SACM1L: variants seen among roughly 807,000 people sequenced by gnomAD.
SACM1L encodes the protein SAC1 like phosphatidylinositide phosphatase.
A neutral mutation model predicts 89.5 loss-of-function variants in SACM1L; 32 were observed. The observed-to-expected ratio is 0.36, with a 90% CI of 0.27 to 0.48. SACM1L has a LOEUF of 0.48. SACM1L is among the 20% of genes least tolerant of loss of function. SACM1L has a pLI of 0.99. For synonymous variants in SACM1L, 213 were observed against 232.8 expected, an observed-to-expected ratio of 0.92 and a Z score of 0.77; for missense variants, 543 against 708.5, an observed-to-expected ratio of 0.77 and a Z score of 2.65.
chr3:45,718,897 A>G (rs1312127009), intron 7 of SACM1L, among the ~76,000 whole-genome samples: 2 of 152,156 alleles, frequency 1.3e-5, no homozygotes, highest in Non-Finnish European at 2.9e-5. Flanking sequence ...ATAACTTTAT[A>G]TAAAGAAAGG....
chr3:45,731,119 A>C (rs1699044063), intron 11 of SACM1L, among the ~76,000 whole-genome samples, 182 bp from the exon 12 acceptor site: 1 of 152,218 alleles, frequency 6.6e-6, no homozygotes, highest in South Asian at 2.1e-4. Flanking sequence ...TGGGTGGGTT[A>C]CTATAAAACC....
At chr3:45,720,393 G>A (rs1698762363) in intron 8 of SACM1L, among the ~76,000 whole-genome samples, 2 of 152,012 alleles carry the variant, frequency 1.3e-5, no homozygotes, top group East Asian at 3.8e-4. Flanking sequence ...TTTTTTTAAT[G>A]CAATAAAAAA....
chr3:45,698,526 A>G (rs1397709869), intron 1 of SACM1L, among the ~76,000 whole-genome samples: 1 of 152,128 alleles, frequency 6.6e-6, no homozygotes, highest in Non-Finnish European at 1.5e-5. Context: ...TTGATCCATA[A>G]TTACTCTTAT....
In SACM1L at chr3:45,723,545, T is replaced by C; in HGVS notation, c.921+2T>C. 1 of 1,360,400 alleles carries C rather than the reference T, an allele frequency of 7.4e-7. No individual in the cohort carries two copies. The highest frequency in any genetic ancestry group is 1.0e-6 in the Non-Finnish European group (1 of 1,002,434). 84.3% of individuals were successfully genotyped at this position (1,360,400 alleles called of 1,614,324 possible). ...GGAAAACAAGTTATAATCAATCTGGTATGTTTCTTATGTTTCTTGGGGGGA... is the reference window on the plus strand; with the variant it reads ...GGAAAACAAGTTATAATCAATCTGGCATGTTTCTTATGTTTCTTGGGGGGA... On this transcript the variant is annotated splice_donor_variant, in intron 11 of 19. Coordinates refer to ENST00000389061, the MANE Select transcript of SACM1L (RefSeq NM_014016.5). LOFTEE classifies it high-confidence loss of function.
At chr3:45,729,409 A>T (rs1227031564) in intron 11 of SACM1L, among the ~76,000 whole-genome samples, 1 of 152,154 alleles carries the variant, frequency 6.6e-6, no homozygotes, top group Non-Finnish European at 1.5e-5. Context: ...ATATCTCTGT[A>T]TAGCTGCAAG....
chr3:45,729,375 A>T (rs1271142958), intron 11 of SACM1L, among the ~76,000 whole-genome samples: 10 of 152,122 alleles, frequency 6.6e-5, no homozygotes, highest in Admixed American at 5.2e-4. Context: ...GTGAGCTACT[A>T]TGCCCAGCCT....
chr3:45,692,375 G>A (rs1242046736), intron 1 of SACM1L, among the ~76,000 whole-genome samples: 1 of 151,854 alleles, frequency 6.6e-6, no homozygotes, highest in Non-Finnish European at 1.5e-5. Flanking sequence ...CCAGGCTGGA[G>A]TGCAGTGGTG....
chr3:45,713,305 A>G (rs1176932748), intron 6 of SACM1L, 109 bp downstream of exon 6: 2 of 846,542 alleles, frequency 2.4e-6, no homozygotes, highest in East Asian at 2.6e-5. Context: ...AACAATTCTA[A>G]TTTAACTGTT....
chr3:45,717,944 A>T lies in SACM1L; in HGVS notation c.578-1556A>T, dbSNP rs181481184. On this transcript the variant is annotated intron_variant, in intron 7 of 19. Coordinates refer to ENST00000389061, the MANE Select transcript of SACM1L (RefSeq NM_014016.5). ...AATAAATACATAAATAATTTTTTTT[A>T]AAAAAGCAGACAACATCAAATGTTG... 2.4e-4 allele frequency among the ~76,000 whole-genome samples: 36 copies of T among 152,332 alleles called. No homozygotes were observed. The East Asian group carries it at 5.4e-3, about 23-fold the overall frequency.
chr3:45,719,433 T>G (rs1698738348), intron 7 of SACM1L, 67 bp from the exon 8 acceptor site: 1 of 883,416 alleles, frequency 1.1e-6, no homozygotes, highest in African/African-American at 1.7e-5. Flanking sequence ...GATAGATAGA[T>G]GCAAACAATC....
intron 1 of SACM1L, among the ~76,000 whole-genome samples, chr3:45,700,604 T>A (rs1052100845): frequency 2.6e-5 from 4 of 152,190 alleles, no homozygotes; most frequent in African/African-American, 7.2e-5. Flanking sequence ...GCTGAGCATA[T>A]CATGTGTATT....
intron 11 of SACM1L, among the ~76,000 whole-genome samples, chr3:45,727,255 G>C (rs1698943174): frequency 6.6e-6 from 1 of 152,130 alleles, no homozygotes. Context: ...AAGTTCTCTT[G>C]CTGGGATTTT....
At chr3:45,706,660 T>C (rs1698402903) in intron 3 of SACM1L, 120 bp from the exon 4 acceptor site, 3 of 702,854 alleles carry the variant, frequency 4.3e-6, no homozygotes, top group Non-Finnish European at 6.5e-6. Context: ...GGGCCTTTTA[T>C]CTGAGTGGCA....
intron 1 of SACM1L, among the ~76,000 whole-genome samples, chr3:45,693,314 C>T (rs1698043156): frequency 6.6e-6 from 1 of 152,238 alleles, no homozygotes; most frequent in South Asian, 2.1e-4. Context: ...TAGTCCTCCT[C>T]AGTACCTAAC....
Position 45,722,873 on chromosome 3 carries a change from G to T in SACM1L, c.770G>T (p.Arg257Leu). The T allele has an allele frequency of 6.2e-7, 1 of 1,610,362 alleles. No homozygotes were observed. The highest frequency in any genetic ancestry group is 8.5e-7 in the Non-Finnish European group (1 of 1,177,228). ...NGSKASFVQT[R>L]GSIPVFWSQR... ...CATTTCTCTCTTTTCTTTTAGACTC[G>T]AGGATCAATACCTGTTTTCTGGTCC... Residue 257 changes from arginine (R) to leucine (L), a missense_variant, in exon 10 of 20, where the codon CGA (arginine) becomes CTA (leucine). Coordinates refer to ENST00000389061, the MANE Select transcript of SACM1L (RefSeq NM_014016.5).
At position 45,722,883 on chromosome 3, in the gene SACM1L, A is replaced by T; in HGVS notation, c.780A>T (p.Ile260=). The change falls in exon 10 of 20, where the codon ATA becomes ATT. Residue 260 remains isoleucine, a synonymous_variant. Transcript: ENST00000389061. The part of the protein sequence containing the change: ...KASFVQTRGS[I]PVFWSQRPNL... ...TTTTCTTTTAGACTCGAGGATCAAT[A>T]CCTGTTTTCTGGTCCCAAAGACCAA... 1.2e-6 allele frequency: 2 copies of T among 1,612,780 alleles called. No individual in the cohort carries two copies. The highest frequency in any genetic ancestry group is 1.7e-6 in the Non-Finnish European group (2 of 1,178,990).
intron 4 of SACM1L, among the ~76,000 whole-genome samples, chr3:45,708,335 G>A (rs1698446177): frequency 6.6e-6 from 1 of 152,104 alleles, no homozygotes; most frequent in African/African-American, 2.4e-5. Flanking sequence ...AGTCAACATT[G>A]TTTAGAGATA....
intron 8 of SACM1L, among the ~76,000 whole-genome samples, chr3:45,719,926 T>C (rs1310809986): frequency 1.3e-5 from 2 of 152,212 alleles, no homozygotes; most frequent in African/African-American, 4.8e-5. Context: ...CTTGTATTGC[T>C]TTTAGGTTTT....
intron 1 of SACM1L, among the ~76,000 whole-genome samples, chr3:45,690,958 C>G (rs1257099771): frequency 6.6e-6 from 1 of 152,200 alleles, no homozygotes; most frequent in Admixed American, 6.5e-5. Context: ...TGGCTTCATG[C>G]AGCTTAGCGT....
Sources: allele counts gnomAD v4.1 joint callset (sites outside exome capture counted in the v4.1 genomes callset), GRCh38; gene constraint gnomAD v4.1.1; transcripts MANE v1.5; gene names NCBI Gene and HGNC (gene_info 2026-07-23, HGNC 2026-07-21).